Variants in NFIA observed in about 807,000 individuals in gnomAD.
The protein encoded by NFIA is nuclear factor 1 A-type.
NFIA carries 8 observed loss-of-function variants against 62.8 expected under a neutral mutation model. The ratio of observed to expected loss-of-function variants is 0.13; its 90% CI spans 0.07 to 0.23. The LOEUF (loss-of-function observed/expected upper bound fraction) is 0.23, where lower values mean the gene tolerates loss of function less well. Ranked by LOEUF, NFIA falls within the 10% of genes least tolerant of loss-of-function variation. The pLI is 1.00. For synonymous variants in NFIA, 235 were observed against 238.1 expected (o/e 0.99, Z 0.12); for missense variants, 410 against 642.1 (o/e 0.64, Z 3.91).
intron 2 of NFIA, among the ~76,000 whole-genome samples, chr1:61,127,608 T>A (rs879324811): frequency 5.3e-5 from 8 of 152,146 alleles, no homozygotes; most frequent in African/African-American, 1.9e-4. Context: ...CCAGAAGATA[T>A]GGTGAATGGT....
chr1:61,239,765 G>A (rs183536076), intron 2 of NFIA, among the ~76,000 whole-genome samples: 25 of 152,106 alleles, frequency 1.6e-4, no homozygotes, highest in South Asian at 2.1e-4. Flanking sequence ...ATTTAAGAAG[G>A]AACACTAGAA....
rs1668399779 is a variant in NFIA, at chr1:61,458,453, C to T, written c.*3133C>T. On this transcript the variant is annotated 3_prime_UTR_variant, in exon 11 of 11. Coordinates refer to ENST00000403491, the MANE Select transcript of NFIA (RefSeq NM_001134673.4). ...AAAGAGAGAGAATAAACTGCCCGCTCAGAAGATATGTAATTTGTATTGTTG... is the reference window on the plus strand; with the variant it reads ...AAAGAGAGAGAATAAACTGCCCGCTTAGAAGATATGTAATTTGTATTGTTG... 1 of 152,118 alleles carries T rather than the reference C, an allele frequency of 6.6e-6. No individual in the cohort carries two copies. The highest frequency in any genetic ancestry group is 6.5e-5 in the Admixed American group (1 of 15,276). 9.4% of individuals were successfully genotyped at this position (152,118 alleles called of 1,614,324 possible). A position where few individuals can be genotyped will look rare whatever the true frequency, so the allele number is the denominator to read the frequency against.
At chr1:61,254,746 C>T (rs571283832) in intron 2 of NFIA, among the ~76,000 whole-genome samples, 21 of 152,186 alleles carry the variant, frequency 1.4e-4, no homozygotes, top group African/African-American at 5.1e-4. Context: ...CCCACTGTCT[C>T]CCAAACGGCA....
intron 3 of NFIA, among the ~76,000 whole-genome samples, chr1:61,284,133 A>G (rs1182091773): frequency 1.3e-5 from 2 of 152,202 alleles, no homozygotes; most frequent in Non-Finnish European, 2.9e-5. Flanking sequence ...GTGACCACCA[A>G]AATAGCAGCA....
intron 4 of NFIA, among the ~76,000 whole-genome samples, chr1:61,344,414 C>T (rs1029266327): frequency 6.6e-6 from 1 of 152,168 alleles, no homozygotes; most frequent in African/African-American, 2.4e-5. Flanking sequence ...ATACAAGTTC[C>T]CAAAGTCTCA....
chr1:61,273,924 A>G (rs1022534899), intron 2 of NFIA, among the ~76,000 whole-genome samples: 1 of 152,108 alleles, frequency 6.6e-6, no homozygotes, highest in Admixed American at 6.5e-5. Flanking sequence ...CCATACTAAC[A>G]TGTTTTTGTC....
intron 2 of NFIA, among the ~76,000 whole-genome samples, chr1:61,184,943 C>G (rs1651053247): frequency 6.6e-6 from 1 of 152,222 alleles, no homozygotes. Flanking sequence ...GACTTACATT[C>G]TTTTAACCCT....
chr1:61,288,160 G>A (rs1330065719), intron 3 of NFIA, among the ~76,000 whole-genome samples: 1 of 152,176 alleles, frequency 6.6e-6, no homozygotes, highest in South Asian at 2.1e-4. Context: ...CTGCGACACT[G>A]TGTGAGCCCA....
At chr1:61,213,898 G>A (rs1170345763) in intron 2 of NFIA, among the ~76,000 whole-genome samples, 3 of 152,140 alleles carry the variant, frequency 2.0e-5, no homozygotes, top group African/African-American at 4.8e-5. Context: ...TCCTGCTGAC[G>A]CACCAGGCGT....
At chr1:61,413,848 G>A (rs75285336) in intron 9 of NFIA, among the ~76,000 whole-genome samples, 63 of 151,490 alleles carry the variant, frequency 4.2e-4, no homozygotes, top group East Asian at 2.6e-3. Context: ...GGCTGGTCTC[G>A]AACTCCTGAC....
At chr1:61,136,974 A>G (rs1166534658) in intron 2 of NFIA, among the ~76,000 whole-genome samples, 1 of 152,246 alleles carries the variant, frequency 6.6e-6, no homozygotes, top group East Asian at 1.9e-4. Flanking sequence ...GTGTTCAGAA[A>G]TAGGTACCCC....
chr1:61,423,560 A>T (rs1569843448), intron 9 of NFIA, among the ~76,000 whole-genome samples: 1 of 152,184 alleles, frequency 6.6e-6, no homozygotes, highest in African/African-American at 2.4e-5. Context: ...ATATGATATA[A>T]TATCATAGTA....
chr1:61,365,140 T>C (rs937945536), intron 6 of NFIA, among the ~76,000 whole-genome samples: 28 of 152,338 alleles, frequency 1.8e-4, no homozygotes, highest in African/African-American at 6.3e-4. Context: ...TGAGCTATGA[T>C]TGTGCCATTG....
chr1:61,423,010 T>C (rs1259271568), intron 9 of NFIA, among the ~76,000 whole-genome samples: 1 of 152,154 alleles, frequency 6.6e-6, no homozygotes, highest in Non-Finnish European at 1.5e-5. Flanking sequence ...ACAGAAAGAA[T>C]GCAAATTTTC....
chr1:61,361,222 A>T (rs747092916), intron 6 of NFIA, among the ~76,000 whole-genome samples: 11 of 152,206 alleles, frequency 7.2e-5, no homozygotes, highest in Non-Finnish European at 1.2e-4. Flanking sequence ...TCGTGTTCAC[A>T]TCAGTTTGCC....
chr1:61,167,153 AT>A (rs1196059639), intron 2 of NFIA, among the ~76,000 whole-genome samples: 1 of 152,118 alleles, frequency 6.6e-6, no homozygotes, highest in African/African-American at 2.4e-5. Flanking sequence ...CAAAAAAAGA[AT>A]TTACATATTT....
intron 2 of NFIA, among the ~76,000 whole-genome samples, chr1:61,263,422 G>T (rs1656896253): frequency 1.3e-5 from 2 of 152,150 alleles, no homozygotes; most frequent in Non-Finnish European, 2.9e-5. Context: ...GTGATAACAG[G>T]GCATGACGGG....
intron 2 of NFIA, among the ~76,000 whole-genome samples, chr1:61,257,054 A>G (rs1163883227): frequency 6.6e-6 from 1 of 152,178 alleles, no homozygotes; most frequent in Admixed American, 6.5e-5. Flanking sequence ...CAGTCCATCT[A>G]TTTTAGCAAA....
chr1:61,327,336 T>C (rs2100381047), intron 3 of NFIA, among the ~76,000 whole-genome samples: 1 of 152,042 alleles, frequency 6.6e-6, no homozygotes, highest in African/African-American at 2.4e-5. Flanking sequence ...AAGTCTGAGA[T>C]TTCAGTGCAT....
Sources: gnomAD v4.1 joint callset for allele counts (sites outside exome capture counted in the v4.1 genomes callset) on GRCh38, gnomAD v4.1.1 for gene constraint, MANE v1.5 for transcripts, NCBI Gene and HGNC (gene_info 2026-07-23, HGNC 2026-07-21) for gene names.